Variants in PIP5K1B observed in about 807,000 individuals in gnomAD.
PIP5K1B encodes the protein phosphatidylinositol-4-phosphate 5-kinase type 1 beta.
Under a neutral mutation model 67.0 loss-of-function variants are expected in PIP5K1B, and 42 were observed. The ratio of observed to expected loss-of-function variants is 0.63; its 90% confidence interval spans 0.49 to 0.81. The LOEUF is 0.81. Ranked by LOEUF, PIP5K1B falls within the 30% of genes least tolerant of loss-of-function variation. The pLI, the probability that PIP5K1B is intolerant of heterozygous loss-of-function variation, is 0.00. For missense variants in PIP5K1B, 459 were observed against 646.3 expected, an observed-to-expected ratio of 0.71 and a Z score of 3.14; for synonymous variants, 214 against 231.4, an observed-to-expected ratio of 0.92 and a Z score of 0.68.
intron 14 of PIP5K1B, among the ~76,000 whole-genome samples, chr9:68,945,879 C>A (rs1461307161): frequency 6.6e-6 from 1 of 152,220 alleles, no homozygotes; most frequent in Non-Finnish European, 1.5e-5. Flanking sequence ...TTCTCGTCTT[C>A]ATCTTTTTGC....
chr9:68,992,807 TC>T (rs1830435919), intron 15 of PIP5K1B, among the ~76,000 whole-genome samples: 1 of 119,476 alleles, frequency 8.4e-6, no homozygotes, highest in African/African-American at 3.4e-5. Flanking sequence ...GCCACTGCAT[TC>T]CCACCTAGGC....
chr9:68,875,578 A>G (rs1823852243), intron 5 of PIP5K1B, among the ~76,000 whole-genome samples: 1 of 152,152 alleles, frequency 6.6e-6, no homozygotes, highest in African/African-American at 2.4e-5. Flanking sequence ...AATCTGATTG[A>G]TCTGAACAAC....
At chr9:68,710,942 C>T (rs1278168608) in intron 1 of PIP5K1B, among the ~76,000 whole-genome samples, 1 of 152,032 alleles carries the variant, frequency 6.6e-6, no homozygotes, top group Admixed American at 6.5e-5. Context: ...TGGTATTGCT[C>T]CTGGTTTTAA....
rs552568491 is a variant in PIP5K1B, at chr9:68,811,137, G to A, written c.-85-7324G>A. ...GTAGTGATCTATTTAAGCTCTTAAC[G>A]GATTCCCAGAGCTATAACAATAGAA... On this transcript the variant is annotated intron_variant, in intron 2 of 15. Transcript: ENST00000265382. Among the ~76,000 whole-genome samples the A allele has an allele frequency of 7.2e-5, 11 of 152,238 alleles. No individual in the cohort carries two copies. The South Asian group carries it at 1.7e-3, about 23-fold the overall frequency.
intron 2 of PIP5K1B, among the ~76,000 whole-genome samples, chr9:68,771,055 C>T (rs1830651414): frequency 2.6e-5 from 4 of 152,084 alleles, no homozygotes; most frequent in Non-Finnish European, 5.9e-5. Context: ...AATCTAGAGA[C>T]CAAACATTAG....
At chr9:68,813,487 G>C (rs1299794657) in intron 2 of PIP5K1B, among the ~76,000 whole-genome samples, 1 of 152,162 alleles carries the variant, frequency 6.6e-6, no homozygotes, top group Admixed American at 6.5e-5. Context: ...CTGGAAGCAA[G>C]CACTGGCACA....
chr9:69,004,717 A>G (rs911591019), intron 15 of PIP5K1B, among the ~76,000 whole-genome samples: 2 of 152,170 alleles, frequency 1.3e-5, no homozygotes, highest in Non-Finnish European at 2.9e-5. Flanking sequence ...GCTATGAGTT[A>G]GTTTCCTTCC....
At chr9:68,739,468 A>T (rs1828897668) in intron 1 of PIP5K1B, among the ~76,000 whole-genome samples, 1 of 152,238 alleles carries the variant, frequency 6.6e-6, no homozygotes, top group Non-Finnish European at 1.5e-5. Flanking sequence ...TGACAAAGAC[A>T]AGAGGCCACG....
intron 4 of PIP5K1B, among the ~76,000 whole-genome samples, chr9:68,863,076 G>T (rs773736620): frequency 2.0e-5 from 3 of 152,102 alleles, no homozygotes; most frequent in Non-Finnish European, 4.4e-5. Context: ...TTCTTAACCT[G>T]AGCATTATTG....
chr9:68,777,563 G>A (rs1011033937), intron 2 of PIP5K1B, among the ~76,000 whole-genome samples: 2 of 152,202 alleles, frequency 1.3e-5, no homozygotes, highest in African/African-American at 4.8e-5. Flanking sequence ...ACATGACTCA[G>A]TCAATTCTCT....
At chr9:68,889,157 G>C in intron 7 of PIP5K1B, 24 bp downstream of exon 7, 1 of 1,561,170 alleles carries the variant, frequency 6.4e-7, no homozygotes, top group South Asian at 1.2e-5. Context: ...CATCATTAAT[G>C]CTTCTACTTG....
intron 4 of PIP5K1B, among the ~76,000 whole-genome samples, chr9:68,824,979 T>C (rs1251968753): frequency 2.0e-5 from 3 of 152,216 alleles, no homozygotes; most frequent in Non-Finnish European, 4.4e-5. Context: ...GCAAATATTA[T>C]TCTTATTTTC....
intron 2 of PIP5K1B, among the ~76,000 whole-genome samples, chr9:68,804,789 C>G (rs766040570): frequency 1.2e-4 from 19 of 152,068 alleles, no homozygotes; most frequent in Non-Finnish European, 2.5e-4. Context: ...CTGTTGCCTT[C>G]GTTTTCCTCT....
At chr9:68,836,832 C>T (rs1834638675) in intron 4 of PIP5K1B, among the ~76,000 whole-genome samples, 1 of 152,206 alleles carries the variant, frequency 6.6e-6, no homozygotes, top group Non-Finnish European at 1.5e-5. Flanking sequence ...TGCAGCATGT[C>T]TCAGGCATCC....
rs139596203 is a variant in PIP5K1B at position 69,003,665 on chromosome 9, G to A, written c.1621-4782G>A. On this transcript the variant is annotated intron_variant, in intron 15 of 15. Transcript: ENST00000265382. ...TTCTCGATATGTTTGTAAGCCAGTCGGTTGATGGGGGCAAGGGTGTCAAGG... is the reference window on the plus strand; with the variant it reads ...TTCTCGATATGTTTGTAAGCCAGTCAGTTGATGGGGGCAAGGGTGTCAAGG... 1.4e-4 allele frequency among the ~76,000 whole-genome samples: 21 copies of A among 152,228 alleles called. No individual in the cohort carries two copies. The East Asian group carries it at 3.3e-3, about 24-fold the overall frequency.
intron 14 of PIP5K1B, among the ~76,000 whole-genome samples, chr9:68,976,519 C>G (rs893899392): frequency 7.9e-5 from 12 of 152,236 alleles, no homozygotes; most frequent in African/African-American, 2.4e-4. Context: ...GCTGTAGCTC[C>G]TTCTTTCACA....
chr9:68,822,725 C>CTGT, intron 4 of PIP5K1B, 42 bp downstream of exon 4: 1 of 1,357,912 alleles, frequency 7.4e-7, no homozygotes, highest in Non-Finnish European at 1.1e-6. Context: ...CACCGTTTTG[C>CTGT]TGTTTGGCAC....
At chr9:68,837,077 A>G (rs976855369) in intron 4 of PIP5K1B, among the ~76,000 whole-genome samples, 1 of 152,238 alleles carries the variant, frequency 6.6e-6, no homozygotes, top group Non-Finnish European at 1.5e-5. Flanking sequence ...GAAAGCGTTC[A>G]GCACCCAGAT....
At chr9:68,902,414 A>T (rs1215068358) in intron 8 of PIP5K1B, among the ~76,000 whole-genome samples, 1 of 152,164 alleles carries the variant, frequency 6.6e-6, no homozygotes, top group Non-Finnish European at 1.5e-5. Context: ...AATGCCATTG[A>T]TATTCATCCA....
Sources: gnomAD v4.1 joint callset for allele counts (sites outside exome capture counted in the v4.1 genomes callset) on GRCh38, gnomAD v4.1.1 for gene constraint, MANE v1.5 for transcripts, NCBI Gene and HGNC (gene_info 2026-07-23, HGNC 2026-07-21) for gene names.